The following GALNT16 variants were observed in gnomAD, a reference collection of about 807,000 sequenced individuals.
GALNT16 encodes UDP-GalNAc:polypeptide N-acetylgalactosaminyltransferase-like protein 1.
Under a neutral mutation model 76.1 loss-of-function variants are expected in GALNT16, and 40 were observed. The ratio of observed to expected loss-of-function variants is 0.53; its 90% CI spans 0.41 to 0.68. The LOEUF (loss-of-function observed/expected upper bound fraction) is 0.68. Among genes scored for constraint, GALNT16 ranks in the 30% least tolerant of loss-of-function variants. The pLI is 0.00. For missense variants in GALNT16, 621 were observed against 731.9 expected (o/e 0.85, Z 1.75); for synonymous variants, 276 against 285.2 (o/e 0.97, Z 0.32).
chr14:69,261,068 C>G lies in GALNT16; in HGVS notation c.177+601C>G, dbSNP rs2044263914. Among the ~76,000 whole-genome samples the G allele has an allele frequency of 6.6e-6, 1 of 152,238 alleles. No homozygotes were observed. The highest frequency in any genetic ancestry group is 2.4e-5 in the African/African-American group (1 of 41,468). On this transcript the variant is annotated intron_variant, in intron 1 of 14. Coordinates refer to ENST00000448469, the MANE Select transcript of GALNT16 (RefSeq NM_001168368.2). This position sits in a 1 kb window ranked among gnomAD's most constrained non-coding sequence, Gnocchi z 6.4. ...CTCTGGGTTGAGGAGAGGTCTCGCACTGTACGCGTCTCTCACTCCCAACCT... is the reference window on the plus strand; with the variant it reads ...CTCTGGGTTGAGGAGAGGTCTCGCAGTGTACGCGTCTCTCACTCCCAACCT...
intron 1 of GALNT16, among the ~76,000 whole-genome samples, chr14:69,276,299 G>C (rs753504207): frequency 4.6e-5 from 7 of 152,234 alleles, no homozygotes; most frequent in Non-Finnish European, 8.8e-5. Context: ...GGATGGGAGA[G>C]AGGATCAAAA....
At chr14:69,380,374 T>A in the GALNT16 span, 2 of 433,914 alleles carry the variant, frequency 4.6e-6, no homozygotes, top group Non-Finnish European at 8.2e-6. Flanking sequence ...GTAACGGGGG[T>A]TTCCGATTGA....
intron 14 of GALNT16, chr14:69,348,216 C>T (rs148687212): frequency 1.7e-6 from 1 of 602,698 alleles, no homozygotes; most frequent in Non-Finnish European, 3.0e-6. Flanking sequence ...TAATGCCATC[C>T]TGCCAGGCTG....
chr14:69,318,406 G>C (rs1362214486), intron 1 of GALNT16, among the ~76,000 whole-genome samples: 2 of 152,240 alleles, frequency 1.3e-5, no homozygotes, highest in African/African-American at 4.8e-5. Context: ...GCAGGCTGGG[G>C]CAGGGGGAAC....
chr14:69,366,202 A>C, the GALNT16 span, among the ~76,000 whole-genome samples: 1 of 152,214 alleles, frequency 6.6e-6, no homozygotes, highest in East Asian at 1.9e-4. Context: ...AATGAGCAGC[A>C]TGGGTAGAGT....
At chr14:69,303,576 A>G (rs1376925941) in intron 1 of GALNT16, among the ~76,000 whole-genome samples, 1 of 152,228 alleles carries the variant, frequency 6.6e-6, no homozygotes, top group Non-Finnish European at 1.5e-5. Context: ...AAAGTCTGAA[A>G]AGATTTTTTC....
chr14:69,372,312 G>A, the GALNT16 span, among the ~76,000 whole-genome samples: 2 of 152,038 alleles, frequency 1.3e-5, no homozygotes, highest in African/African-American at 4.8e-5. Flanking sequence ...CTCCGTGTTG[G>A]CTGCAAACAC....
At chr14:69,345,102 G>A (rs2045544643) in intron 12 of GALNT16, among the ~76,000 whole-genome samples, 1 of 152,232 alleles carries the variant, frequency 6.6e-6, no homozygotes, top group Non-Finnish European at 1.5e-5. Context: ...TGGAATGCAA[G>A]CTCATTGTGG....
chr14:69,269,504 GTGTGTGTGTGATGTGTGGGGCTTA>G (rs1043597240), intron 1 of GALNT16, among the ~76,000 whole-genome samples: 3 of 150,468 alleles, frequency 2.0e-5, no homozygotes, highest in African/African-American at 7.3e-5. Context: ...TGTGGCATTT[GTGTGTGTGTGATGTGTGGGGCTTA>G]TGTGTGTGTG....
chr14:69,360,213 TGTG>T (rs2045715767), downstream of GALNT16, among the ~76,000 whole-genome samples: 1 of 147,828 alleles, frequency 6.8e-6, no homozygotes, highest in African/African-American at 2.5e-5. Flanking sequence ...ATTAGCCAGG[TGTG>T]GTGGTGCATG....
Position 69,285,445 on chromosome 14 carries a change from ATG to A in GALNT16, c.177+24983_177+24984del, listed in dbSNP as rs963843815. ...TTACACCTCTAAAATGTGTAGTGTCATGTGTGGTTTTCTCATCATTACTGTTG... is the reference window on the plus strand; with the variant it reads ...TTACACCTCTAAAATGTGTAGTGTCATGTGGTTTTCTCATCATTACTGTTG... On this transcript the variant is annotated intron_variant, in intron 1 of 14. Transcript: ENST00000448469. 3.6e-4 allele frequency among the ~76,000 whole-genome samples: 14 copies of A among 38,424 alleles called. No homozygotes were observed. In the East Asian group the frequency reaches 4.6e-3, roughly 13 times the overall value. The allele number at this position is 38,424 out of a possible 152,430, so 25.2% of individuals were successfully genotyped here.
At chr14:69,328,313 G>T in intron 5 of GALNT16, 137 bp from the exon 6 acceptor site, 1 of 882,966 alleles carries the variant, frequency 1.1e-6, no homozygotes. Flanking sequence ...ACAAGCAGAA[G>T]TATAAAGTCA....
chr14:69,331,567 G>A lies in GALNT16; in HGVS notation c.778+16G>A, dbSNP rs1147461. 699,526 of 1,477,910 alleles carry A rather than the reference G, an allele frequency of 0.47. 170,333 individuals are homozygous for A. Among genetic ancestry groups the A allele is most frequent in the Admixed American group, 0.62 (36,873 of 59,822 alleles). 91.5% of individuals were successfully genotyped at this position (1,477,910 alleles called of 1,614,324 possible). A position where few individuals can be genotyped will look rare whatever the true frequency, so the allele number is the denominator to read the frequency against. On this transcript the variant is annotated intron_variant, in intron 7 of 14. Transcript: ENST00000448469. ...CTTCGTGGAGGTGAGTTCTGCTCCC[G>A]GGGGTGGGGCTGTAGACATGAAAGG...
the GALNT16 span, chr14:69,380,348 G>T: frequency 2.4e-6 from 1 of 412,582 alleles, no homozygotes; most frequent in Non-Finnish European, 4.3e-6. Context: ...AAAAGAAAGA[G>T]AAAGAAAAAG....
At chr14:69,307,239 C>T (rs539363578) in intron 1 of GALNT16, among the ~76,000 whole-genome samples, 5 of 152,330 alleles carry the variant, frequency 3.3e-5, no homozygotes, top group Admixed American at 1.3e-4. Context: ...GAGCGTAGGT[C>T]TCTGGGGCGC....
chr14:69,345,859 C>A (rs1488295443), intron 12 of GALNT16, among the ~76,000 whole-genome samples: 2 of 151,888 alleles, frequency 1.3e-5, no homozygotes, highest in Non-Finnish European at 2.9e-5. Flanking sequence ...TAGCAAGTAT[C>A]ATTTCACAGA....
intron 11 of GALNT16, among the ~76,000 whole-genome samples, chr14:69,341,197 G>A (rs2045481123): frequency 6.6e-6 from 1 of 152,212 alleles, no homozygotes; most frequent in Non-Finnish European, 1.5e-5. Flanking sequence ...CCGTCAACCA[G>A]TGGCCATTGT....
At chr14:69,286,134 C>T (rs2044608144) in intron 1 of GALNT16, among the ~76,000 whole-genome samples, 3 of 152,036 alleles carry the variant, frequency 2.0e-5, no homozygotes, top group Admixed American at 6.5e-5. Context: ...AACCACAGGG[C>T]GCAGAACTCA....
chr14:69,347,951 C>G lies in GALNT16; in HGVS notation c.1488C>G (p.Ser496=). The change falls in exon 14 of 15, where the codon TCC becomes TCG. Residue 496 remains serine (S), a synonymous_variant. Transcript: ENST00000448469. ...CLAATSTLMS[S]PGSPVILQMC... Reference sequence around the variant, plus strand: ...CTGCCACCTCCACCTTAATGTCCTCCCCTGGATCCCCAGTCATACTGCAGA... The same window carrying G: ...CTGCCACCTCCACCTTAATGTCCTCGCCTGGATCCCCAGTCATACTGCAGA... 5.6e-6 allele frequency: 9 copies of G among 1,614,070 alleles called. No homozygotes were observed. Among genetic ancestry groups the G allele is most frequent in the Non-Finnish European group, 7.6e-6 (9 of 1,179,974 alleles).
Sources: allele counts gnomAD v4.1 joint callset (sites outside exome capture counted in the v4.1 genomes callset), GRCh38; gene constraint gnomAD v4.1.1; non-coding constraint Gnocchi (gnomAD v3.1); transcripts MANE v1.5; gene names NCBI Gene and HGNC (gene_info 2026-07-23, HGNC 2026-07-21).